Variants in A2ML1 observed in about 807,000 individuals in gnomAD.
A2ML1 encodes alpha-2-macroglobulin-like protein 1.
A neutral mutation model predicts 181.9 loss-of-function variants in A2ML1; 161 were observed. That is an observed-to-expected ratio of 0.89 (90% CI 0.78 to 1.01). The LOEUF (loss-of-function observed/expected upper bound fraction) is 1.01, where lower values mean the gene tolerates loss of function less well. Among genes scored for constraint, A2ML1 ranks in the 50% least tolerant of loss-of-function variants. The probability of loss-of-function intolerance (pLI) is 0.00; values close to 1 mark genes in which losing one functional copy is unlikely to be tolerated. For missense variants in A2ML1, 1,670 were observed against 1,768.1 expected (o/e 0.94, Z 1.00); for synonymous variants, 663 against 666.8 (o/e 0.99, Z 0.09).
At chr12:8,885,602 A>G (rs1321274879) in intron 7 of A2ML1, among the ~76,000 whole-genome samples, 2 of 151,990 alleles carry the variant, frequency 1.3e-5, no homozygotes, top group Non-Finnish European at 2.9e-5. Flanking sequence ...GGACCACAGG[A>G]GGCACATGCC....
intron 13 of A2ML1, 95 bp from the exon 14 acceptor site, chr12:8,845,982 C>T (rs1308088009): frequency 1.4e-6 from 2 of 1,387,884 alleles, no homozygotes; most frequent in African/African-American, 1.4e-5. Context: ...CACCATGGTG[C>T]CTGCACTGGC....
intron 33 of A2ML1, among the ~76,000 whole-genome samples, chr12:8,869,941 T>G (rs1944563030): frequency 6.6e-6 from 1 of 152,220 alleles, no homozygotes; most frequent in African/African-American, 2.4e-5. Flanking sequence ...GCTATTCCTA[T>G]CATTTTAACA....
chr12:8,872,631 A>G (rs2136986218), intron 33 of A2ML1, among the ~76,000 whole-genome samples: 1 of 152,018 alleles, frequency 6.6e-6, no homozygotes, highest in Admixed American at 6.6e-5. Context: ...TGAAAACACA[A>G]AAATTAGCTG....
chr12:8,878,471 A>G (rs1944836682), downstream of A2ML1, among the ~76,000 whole-genome samples: 1 of 152,194 alleles, frequency 6.6e-6, no homozygotes, highest in Admixed American at 6.5e-5. This position sits in a 1 kb window ranked among gnomAD's most constrained non-coding sequence, Gnocchi z 4.4. Context: ...ACACAAAGAT[A>G]GAAACAATAA....
intron 32 of A2ML1, among the ~76,000 whole-genome samples, chr12:8,868,901 CATATATGTGTGCATATATGTAT>C (rs1944526279): frequency 1.3e-5 from 2 of 151,892 alleles, no homozygotes; most frequent in Admixed American, 1.3e-4. Flanking sequence ...CATGTATGTA[CATATATGTGTGCATATATGTAT>C]ATATTCATAC....
intron 33 of A2ML1, among the ~76,000 whole-genome samples, chr12:8,873,947 T>A (rs1012219106): frequency 1.3e-5 from 2 of 152,126 alleles, no homozygotes; most frequent in African/African-American, 2.4e-5. Flanking sequence ...CAGGAGGCAA[T>A]GTCTTTAAGA....
At position 8,867,827 on chromosome 12, in the gene A2ML1, G is replaced by T; in HGVS notation, c.3718-15G>T. On this transcript the variant is annotated splice_polypyrimidine_tract_variant and intron_variant, in intron 29 of 35. Transcript: ENST00000299698. Reference sequence around the variant, plus strand: ...CTCACAAAATGGTAAGTATACGTTTGGTTGTTTCCCTCAGGATACTGTAGT... The same window carrying T: ...CTCACAAAATGGTAAGTATACGTTTTGTTGTTTCCCTCAGGATACTGTAGT... 6.2e-7 allele frequency: 1 copy of T among 1,608,462 alleles called. No individual in the cohort carries two copies. Among genetic ancestry groups the T allele is most frequent in the Non-Finnish European group, 8.5e-7 (1 of 1,174,918 alleles).
rs1943941304 is a variant in A2ML1, at chr12:8,852,938, T to C, written c.2590+602T>C. On this transcript the variant is annotated intron_variant, in intron 20 of 35. Coordinates refer to ENST00000299698, the MANE Select transcript of A2ML1 (RefSeq NM_144670.6). This position sits in a 1 kb window ranked among gnomAD's most constrained non-coding sequence, Gnocchi z 4.2. ...CTCAAACTCCTGACCTCAGGTGACC[T>C]GCCTGCCTCGGCCTCCCAAAGTGCT... Among the ~76,000 whole-genome samples, 1 of 152,126 alleles carries C rather than the reference T, an allele frequency of 6.6e-6. No individual in the cohort carries two copies. Among genetic ancestry groups the C allele is most frequent in the African/African-American group, 2.4e-5 (1 of 41,444 alleles).
intron 7 of A2ML1, among the ~76,000 whole-genome samples, chr12:8,836,626 G>GCT (rs1943287270): frequency 1.3e-5 from 2 of 151,656 alleles, no homozygotes; most frequent in African/African-American, 4.8e-5. Flanking sequence ...TGGGATCACA[G>GCT]GCGCGCGCCA....
At chr12:8,884,176 C>T (rs1426896104) in intron 7 of A2ML1, among the ~76,000 whole-genome samples, 1 of 147,786 alleles carries the variant, frequency 6.8e-6, no homozygotes, top group Non-Finnish European at 1.5e-5. Context: ...CTGTTCAAGG[C>T]TTTTGTTTAT....
intron 11 of A2ML1, among the ~76,000 whole-genome samples, chr12:8,842,760 AT>A (rs79845780): frequency 0.16 from 24,972 of 152,110 alleles, 2,377 homozygotes; most frequent in Middle Eastern, 0.28. Context: ...AGAAATAATT[AT>A]TTTTCAATCT....
chr12:8,884,232 T>C (rs56885208), intron 7 of A2ML1, among the ~76,000 whole-genome samples: 1 of 140,538 alleles, frequency 7.1e-6, no homozygotes, highest in Non-Finnish European at 1.5e-5. Context: ...TTATTTTTTG[T>C]TTTTTTTTGT....
At chr12:8,854,382 C>T (rs902940043) in intron 21 of A2ML1, 133 bp downstream of exon 21, 2 of 1,374,838 alleles carry the variant, frequency 1.5e-6, no homozygotes, top group East Asian at 2.3e-5. Flanking sequence ...CTTCCCTGGC[C>T]CCTTGAACAT....
intron 4 of A2ML1, among the ~76,000 whole-genome samples, chr12:8,831,830 A>G (rs1943123136): frequency 6.6e-6 from 1 of 151,694 alleles, no homozygotes; most frequent in Non-Finnish European, 1.5e-5. Context: ...GCTCGCCGCA[A>G]CCTCTGCCTC....
At chr12:8,830,344 G>A (rs774860646) in intron 4 of A2ML1, among the ~76,000 whole-genome samples, 23 of 152,206 alleles carry the variant, frequency 1.5e-4, no homozygotes, top group African/African-American at 5.5e-4. Context: ...GAGCCACCAT[G>A]CTCAGCCCCC....
At position 8,868,067 on chromosome 12, in the gene A2ML1, G is replaced by C. The variant is rs887874487; in HGVS notation, c.3933+10G>C. The C allele has an allele frequency of 6.2e-7, 1 of 1,612,774 alleles. No individual in the cohort carries two copies. The highest frequency in any genetic ancestry group is 1.7e-5 in the Admixed American group (1 of 60,012). On this transcript the variant is annotated intron_variant, in intron 30 of 35. Coordinates refer to ENST00000299698, the MANE Select transcript of A2ML1 (RefSeq NM_144670.6). ...CTGTGTCTATGTGCAGGTAAGTAGA[G>C]ATCCATGAGAATGAGCGGACATTGG...
intron 16 of A2ML1, among the ~76,000 whole-genome samples, chr12:8,849,287 G>C (rs989317487): frequency 2.6e-5 from 4 of 152,180 alleles, no homozygotes; most frequent in Admixed American, 6.6e-5. Context: ...CAGGAACTAG[G>C]TCTTGTTCAT....
At chr12:8,834,928 A>C in intron 5 of A2ML1, 2 of 533,740 alleles carry the variant, frequency 3.7e-6, no homozygotes, top group Non-Finnish European at 6.6e-6. Flanking sequence ...CCGCTCTCTC[A>C]TTCCCCTAAC....
At chr12:8,868,735 A>ACAC in intron 32 of A2ML1, 108 bp downstream of exon 32, 1 of 813,726 alleles carries the variant, frequency 1.2e-6, no homozygotes, top group Non-Finnish European at 2.0e-6. Flanking sequence ...ACACACACAC[A>ACAC]AGGCATGTAT....
Sources: allele counts gnomAD v4.1 joint callset (sites outside exome capture counted in the v4.1 genomes callset), GRCh38; gene constraint gnomAD v4.1.1; non-coding constraint Gnocchi (gnomAD v3.1); transcripts MANE v1.5; gene names NCBI Gene and HGNC (gene_info 2026-07-23, HGNC 2026-07-21).